CACNG5: variants seen among roughly 807,000 people sequenced by gnomAD.
The protein encoded by CACNG5 is calcium voltage-gated channel auxiliary subunit gamma 5.
Under a neutral mutation model 24.8 loss-of-function variants are expected in CACNG5, and 18 were observed. The ratio of observed to expected loss-of-function variants is 0.73; its 90% confidence interval spans 0.50 to 1.08. The LOEUF (loss-of-function observed/expected upper bound fraction) is 1.08. Ranked by LOEUF, CACNG5 falls within the 50% of genes least tolerant of loss-of-function variation. CACNG5 has a pLI of 0.00. For synonymous variants in CACNG5, 157 were observed against 149.1 expected (o/e 1.05, Z -0.39); for missense variants, 349 against 367.9 (o/e 0.95, Z 0.42).
chr17:66,866,986 G>T (rs1427256811), intron 1 of CACNG5, among the ~76,000 whole-genome samples: 1 of 152,182 alleles, frequency 6.6e-6, no homozygotes, highest in East Asian at 1.9e-4. Flanking sequence ...TATATACCCA[G>T]TAATGGCATT....
At chr17:66,836,745 G>A (rs1207627317) in intron 1 of CACNG5, among the ~76,000 whole-genome samples, 1 of 152,254 alleles carries the variant, frequency 6.6e-6, no homozygotes, top group Non-Finnish European at 1.5e-5. Flanking sequence ...TGGATGTGCT[G>A]AGGGGCTGGG....
At position 66,840,457 on chromosome 17, in the gene CACNG5, A is replaced by G. The variant is rs1477156301; in HGVS notation, c.-104+5207A>G. On this transcript the variant is annotated intron_variant, in intron 1 of 5. Coordinates refer to ENST00000533854, the MANE Select transcript of CACNG5 (RefSeq NM_145811.3). Reference sequence around the variant, plus strand: ...GGCTTCCCCAGGAAGCTAAGCCTGAACCCAAAGTTAAGGATCATGGTTGAG... The same window carrying G: ...GGCTTCCCCAGGAAGCTAAGCCTGAGCCCAAAGTTAAGGATCATGGTTGAG... Among the ~76,000 whole-genome samples the G allele has an allele frequency of 2.6e-5, 4 of 152,052 alleles. No individual in the cohort carries two copies. In the South Asian group the frequency reaches 8.3e-4, roughly 32 times the overall value.
chr17:66,863,527 C>G lies in CACNG5; in HGVS notation c.-103-13703C>G, dbSNP rs540291340. On this transcript the variant is annotated intron_variant, in intron 1 of 5. Coordinates refer to ENST00000533854, the MANE Select transcript of CACNG5 (RefSeq NM_145811.3). ...GAATACAAGCATGCACCACCACGCC[C>G]AGCTAATTTTTGTATTTTTAGTAGA... Among the ~76,000 whole-genome samples, 5 of 152,112 alleles carry G rather than the reference C, an allele frequency of 3.3e-5. No homozygotes were observed. In the South Asian group the frequency reaches 1.0e-3, roughly 32 times the overall value.
At chr17:66,843,762 G>A (rs1976598220) in intron 1 of CACNG5, among the ~76,000 whole-genome samples, 1 of 152,182 alleles carries the variant, frequency 6.6e-6, no homozygotes, top group Non-Finnish European at 1.5e-5. Flanking sequence ...GGTAGAGGGT[G>A]CTGCTCCTAT....
At chr17:66,856,982 G>A (rs773924812) in intron 1 of CACNG5, among the ~76,000 whole-genome samples, 19 of 149,778 alleles carry the variant, frequency 1.3e-4, no homozygotes, top group Admixed American at 6.6e-4. Context: ...ATGAAGTGAA[G>A]TTTTAAAGAA....
chr17:66,881,828 G>A (rs143120327), intron 4 of CACNG5, among the ~76,000 whole-genome samples: 31 of 152,222 alleles, frequency 2.0e-4, no homozygotes, highest in African/African-American at 6.5e-4. Flanking sequence ...TGGAAAATGG[G>A]CCTGGAGGAA....
rs1156707925 is a variant in CACNG5 at position 66,889,043 on chromosome 17, C to T, written c.*3803C>T. ...TGGTGTGATCTCGGCTCACTGCAAC[C>T]TCTGCTTCCTGGGCTCAAGCAATTC... On this transcript the variant is annotated 3_prime_UTR_variant, in exon 6 of 6. Transcript: ENST00000533854. Among the ~76,000 whole-genome samples the T allele has an allele frequency of 1.3e-5, 2 of 150,878 alleles. No individual in the cohort carries two copies. Among genetic ancestry groups the T allele is most frequent in the Admixed American group, 1.3e-4 (2 of 15,134 alleles).
chr17:66,884,968 G>A lies in CACNG5; in HGVS notation c.571-15G>A. The stretch of plus-strand genomic sequence containing the variant: ...CCCAGCAGCGAGCCCATCCTCTGCT[G>A]TCTTCTCCCTGTAGAGTGCCGGGGT... On this transcript the variant is annotated splice_polypyrimidine_tract_variant and intron_variant, in intron 5 of 5. Transcript: ENST00000533854. 6.2e-7 allele frequency: 1 copy of A among 1,614,128 alleles called. No homozygotes were observed. The highest frequency in any genetic ancestry group is 1.1e-5 in the South Asian group (1 of 91,078).
intron 1 of CACNG5, among the ~76,000 whole-genome samples, chr17:66,836,072 G>C (rs1976479254): frequency 6.6e-6 from 1 of 152,172 alleles, no homozygotes; most frequent in Admixed American, 6.5e-5. Flanking sequence ...GGCTGGGGAG[G>C]AAAGAAGCTC....
intron 1 of CACNG5, among the ~76,000 whole-genome samples, chr17:66,849,723 G>A (rs72843339): frequency 0.067 from 10,177 of 152,216 alleles, 437 homozygotes; most frequent in South Asian, 0.13. Flanking sequence ...ATCTTCCTAG[G>A]CTTGATGGAA....
At chr17:66,883,529 T>G (rs906523567) in intron 4 of CACNG5, among the ~76,000 whole-genome samples, 1 of 152,242 alleles carries the variant, frequency 6.6e-6, no homozygotes, top group African/African-American at 2.4e-5. Flanking sequence ...CTTGATTCAA[T>G]TACAGCTACT....
chr17:66,838,923 C>T (rs1040574539), intron 1 of CACNG5, among the ~76,000 whole-genome samples: 3 of 148,588 alleles, frequency 2.0e-5, no homozygotes, highest in African/African-American at 5.0e-5. Context: ...GGTCTCTATC[C>T]ATGAGATGCC....
chr17:66,859,358 G>A (rs75365832), intron 1 of CACNG5, among the ~76,000 whole-genome samples: 1 of 152,246 alleles, frequency 6.6e-6, no homozygotes, highest in African/African-American at 2.4e-5. Flanking sequence ...GGGGAGAAGC[G>A]GAGGGATAGA....
intron 1 of CACNG5, among the ~76,000 whole-genome samples, chr17:66,862,635 C>T (rs939353399): frequency 6.6e-6 from 1 of 151,324 alleles, no homozygotes; most frequent in African/African-American, 2.4e-5. Flanking sequence ...TGGTTGAATC[C>T]TAATTTATTT....
rs9911387 is a variant in CACNG5, at chr17:66,890,929, G to A, written c.*5689G>A. ...AACACTCCAAAGAATGTGGAATTTA[G>A]CTAAGAGATCAGATACTTGCAGCAC... On this transcript the variant is annotated 3_prime_UTR_variant, in exon 6 of 6. Transcript: ENST00000533854. 0.077 allele frequency among the ~76,000 whole-genome samples: 11,744 copies of A among 152,218 alleles called. 792 individuals carry two copies. Among genetic ancestry groups the A allele is most frequent in the African/African-American group, 0.19 (7,747 of 41,470 alleles).
intron 1 of CACNG5, among the ~76,000 whole-genome samples, chr17:66,868,002 C>T: frequency 6.6e-6 from 1 of 152,304 alleles, no homozygotes; most frequent in Non-Finnish European, 1.5e-5. Flanking sequence ...TTGCTATTAT[C>T]ACTACTTGGT....
At chr17:66,837,803 G>A (rs1976501588) in intron 1 of CACNG5, among the ~76,000 whole-genome samples, 1 of 152,044 alleles carries the variant, frequency 6.6e-6, no homozygotes. Context: ...TACTTTGCCA[G>A]CCTCATAGTT....
rs976113802 is a variant in CACNG5 at position 66,866,884 on chromosome 17, G to A, written c.-103-10346G>A. 7.2e-4 allele frequency among the ~76,000 whole-genome samples: 110 copies of A among 152,146 alleles called. 2 individuals are homozygous for A. Among genetic ancestry groups the A allele is most frequent in the Non-Finnish European group, 2.8e-4 (19 of 68,022 alleles). ...CAGTCTATCATTGATGGGCATTTGA[G>A]TTGATTCCATGTCTTTGCTCTTGTG... On this transcript the variant is annotated intron_variant, in intron 1 of 5. Coordinates refer to ENST00000533854, the MANE Select transcript of CACNG5 (RefSeq NM_145811.3).
intron 1 of CACNG5, among the ~76,000 whole-genome samples, chr17:66,839,242 G>A (rs960120309): frequency 6.6e-6 from 1 of 151,728 alleles, no homozygotes; most frequent in African/African-American, 2.4e-5. Flanking sequence ...TTACAGGCGT[G>A]AGCCACCATG....
Sources: allele counts gnomAD v4.1 joint callset (sites outside exome capture counted in the v4.1 genomes callset), GRCh38; gene constraint gnomAD v4.1.1; transcripts MANE v1.5; gene names NCBI Gene and HGNC (gene_info 2026-07-23, HGNC 2026-07-21).